Variants in PLXNA4 observed in about 807,000 individuals in gnomAD.
PLXNA4 encodes the protein plexin-A4.
In PLXNA4, 44 loss-of-function variants were observed where a neutral mutation model predicts 191.8. The observed-to-expected ratio is 0.23, with a 90% CI of 0.18 to 0.29. The LOEUF (loss-of-function observed/expected upper bound fraction) is 0.29, where lower values mean the gene tolerates loss of function less well. Ranked by LOEUF, PLXNA4 falls within the 10% of genes least tolerant of loss-of-function variation. The pLI, the probability that PLXNA4 is intolerant of heterozygous loss-of-function variation, is 1.00. For synonymous variants in PLXNA4, 1,082 were observed against 1,009.5 expected (o/e 1.07, Z -1.36); for missense variants, 1,800 against 2,488.8 (o/e 0.72, Z 5.89).
intron 9 of PLXNA4, 119 bp from the exon 10 acceptor site, chr7:132,211,262 A>T: frequency 1.9e-6 from 2 of 1,062,818 alleles, no homozygotes; most frequent in Non-Finnish European, 2.7e-6. Context: ...CCCACAGGCG[A>T]CCCCTGAGGT....
chr7:132,132,445 C>CTGTTCTGT (rs1563048196), intron 31 of PLXNA4, among the ~76,000 whole-genome samples: 1 of 51,604 alleles, frequency 1.9e-5, no homozygotes, highest in Non-Finnish European at 3.7e-5. Context: ...CTGTTCTGTT[C>CTGTTCTGT]TGTTCTGTTC....
At chr7:132,486,833 G>T (rs549978811) in intron 3 of PLXNA4, among the ~76,000 whole-genome samples, 4 of 152,166 alleles carry the variant, frequency 2.6e-5, no homozygotes, top group African/African-American at 9.7e-5. Flanking sequence ...CTGCCTGACC[G>T]ACTGCTGGAC....
At chr7:132,592,155 G>T (rs1802614387) in intron 2 of PLXNA4, among the ~76,000 whole-genome samples, 1 of 152,136 alleles carries the variant, frequency 6.6e-6, no homozygotes, top group Admixed American at 6.5e-5. Context: ...TTCTCCCTGG[G>T]AACCCTGCCT....
At chr7:132,483,815 T>G (rs1002680985) in intron 3 of PLXNA4, among the ~76,000 whole-genome samples, 4 of 152,374 alleles carry the variant, frequency 2.6e-5, no homozygotes, top group African/African-American at 9.6e-5. Context: ...GAATGACAAG[T>G]GTTCCTGAGA....
At chr7:132,177,196 T>G (rs1030745785) in intron 20 of PLXNA4, among the ~76,000 whole-genome samples, 5 of 152,096 alleles carry the variant, frequency 3.3e-5, no homozygotes, top group Non-Finnish European at 7.4e-5. Flanking sequence ...TGTGCATGCA[T>G]GTGTGCATGT....
chr7:132,598,765 T>C (rs1251098811), intron 2 of PLXNA4, among the ~76,000 whole-genome samples: 3 of 152,220 alleles, frequency 2.0e-5, no homozygotes, highest in African/African-American at 4.8e-5. Context: ...CTTCATCTAA[T>C]AGAAATCCTG....
intron 2 of PLXNA4, among the ~76,000 whole-genome samples, chr7:132,500,304 G>A (rs181903590): frequency 2.0e-5 from 3 of 152,144 alleles, no homozygotes; most frequent in Admixed American, 6.5e-5. Context: ...TTAGCTGGTC[G>A]TGGTGGCGCA....
chr7:132,227,329 T>C (rs535145259), intron 7 of PLXNA4, 122 bp downstream of exon 7: 7 of 1,341,352 alleles, frequency 5.2e-6, no homozygotes, highest in Non-Finnish European at 7.2e-6. Flanking sequence ...CACCATCCCA[T>C]GCCCCTTCCT....
intron 31 of PLXNA4, among the ~76,000 whole-genome samples, chr7:132,131,592 T>G (rs1185156095): frequency 6.6e-6 from 1 of 152,244 alleles, no homozygotes. Context: ...TCTTTAGTTG[T>G]GGAAGCAGGA....
intron 6 of PLXNA4, 57 bp from the exon 7 acceptor site, chr7:132,227,661 G>T (rs1798375428): frequency 3.1e-6 from 5 of 1,603,618 alleles, no homozygotes; most frequent in Non-Finnish European, 4.3e-6. Context: ...AAAAGGACAG[G>T]TATGGAATAA....
intron 9 of PLXNA4, 60 bp from the exon 10 acceptor site, chr7:132,211,203 C>T: frequency 2.7e-6 from 4 of 1,502,788 alleles, no homozygotes; most frequent in Non-Finnish European, 3.6e-6. Flanking sequence ...GCAAGGACCT[C>T]TGCAGACATA....
chr7:132,539,199 G>A (rs1158041243), intron 1 of PLXNA4, among the ~76,000 whole-genome samples: 2 of 152,146 alleles, frequency 1.3e-5, no homozygotes, highest in Admixed American at 6.5e-5. Flanking sequence ...TACAACCCAA[G>A]TGAGACTCTG....
intron 3 of PLXNA4, among the ~76,000 whole-genome samples, chr7:132,364,623 T>C (rs1804081045): frequency 6.6e-6 from 1 of 152,210 alleles, no homozygotes; most frequent in Non-Finnish European, 1.5e-5. Context: ...CTGCCTGGAC[T>C]GGACATTAGC....
rs143530466 is a variant in PLXNA4 at position 132,541,243 on chromosome 7, C to T, written c.-86-32464G>A. ...TAGCCCCTTTCCCTAGAGACTCCTA[C>T]CTAGTGCTTTCACCAGCTTCCCCCT... is the stretch of plus-strand genomic sequence containing the variant. On this transcript the variant is annotated intron_variant, in intron 1 of 31. Transcript: ENST00000321063. Among the ~76,000 whole-genome samples, 781 of 152,326 alleles carry T rather than the reference C, an allele frequency of 5.1e-3. 3 individuals carry two copies. The highest frequency in any genetic ancestry group is 0.041 in the Middle Eastern group (12 of 294).
intron 1 of PLXNA4, among the ~76,000 whole-genome samples, chr7:132,533,596 G>C (rs1379623338): frequency 6.6e-6 from 1 of 152,222 alleles, no homozygotes; most frequent in Non-Finnish European, 1.5e-5. Context: ...GATGCTCTGG[G>C]CCTCTGTTCT....
intron 2 of PLXNA4, among the ~76,000 whole-genome samples, chr7:132,599,752 C>A (rs1019526089): frequency 6.6e-6 from 1 of 151,672 alleles, no homozygotes; most frequent in Non-Finnish European, 1.5e-5. Context: ...TAACGGCCGT[C>A]TTATTCTATT....
At position 132,241,157 on chromosome 7, in the gene PLXNA4, C is replaced by T. The variant is rs112682233; in HGVS notation, c.1513G>A (p.Val505Ile). ...TACTGACCACAGGACTCCACAGGGA[C>T]TCTGGTGAGCTAGGACAGCAGGATA... is the stretch of plus-strand genomic sequence containing the variant. ...YIMSERQLTR[V>I]PVESCGQYQS... Residue 505 changes from valine to isoleucine, a missense_variant, in exon 5 of 32, where the codon GTC becomes ATC. This residue lies in a region of PLXNA4 where 1,397 missense variants were observed against 1,880.4 expected (regional missense o/e 0.74). Coordinates refer to ENST00000321063, the MANE Select transcript of PLXNA4 (RefSeq NM_020911.2). 2.8e-3 allele frequency: 4,534 copies of T among 1,611,666 alleles called. 9 individuals are homozygous for T. Among genetic ancestry groups the T allele is most frequent in the Non-Finnish European group, 3.2e-3 (3,729 of 1,178,324 alleles).
intron 3 of PLXNA4, among the ~76,000 whole-genome samples, chr7:132,314,992 TA>T (rs1289242448): frequency 2.0e-5 from 3 of 152,240 alleles, no homozygotes; most frequent in Admixed American, 6.5e-5. Context: ...ACTCCATAAA[TA>T]AAAGTGTCAG....
chr7:132,260,308 G>A (rs150862719), intron 4 of PLXNA4, among the ~76,000 whole-genome samples: 148 of 152,300 alleles, frequency 9.7e-4, no homozygotes, highest in Non-Finnish European at 1.7e-3. Context: ...TATAGATACC[G>A]TGGAGTACTA....
Sources: allele counts gnomAD v4.1 joint callset (sites outside exome capture counted in the v4.1 genomes callset), GRCh38; gene constraint gnomAD v4.1.1; regional missense constraint gnomAD v4.1.1; transcripts MANE v1.5; gene names NCBI Gene and HGNC (gene_info 2026-07-23, HGNC 2026-07-21).